LITAF: variants seen among roughly 807,000 people sequenced by gnomAD.
LITAF encodes the protein lipopolysaccharide-induced tumor necrosis factor-alpha factor.
LITAF carries 9 observed loss-of-function variants against 14.5 expected under a neutral mutation model. That is an observed-to-expected ratio of 0.62 (90% CI 0.37 to 1.08). The LOEUF is 1.08. Among genes scored for constraint, LITAF ranks in the 50% least tolerant of loss-of-function variants. The pLI, the probability that LITAF is intolerant of heterozygous loss-of-function variation, is 0.01. For missense variants in LITAF, 206 were observed against 213.4 expected (o/e 0.97, Z 0.22); for synonymous variants, 98 against 88.2 (o/e 1.11, Z -0.62).
upstream of LITAF, among the ~76,000 whole-genome samples, chr16:11,591,041 A>G (rs570972577): frequency 2.1e-4 from 25 of 118,332 alleles, 8 homozygotes; most frequent in South Asian, 6.4e-3. Flanking sequence ...CCCAGGTCCA[A>G]TGTAATCTCT....
chr16:11,588,429 G>A (rs577271790), upstream of LITAF, among the ~76,000 whole-genome samples: 12 of 151,920 alleles, frequency 7.9e-5, no homozygotes, highest in East Asian at 3.9e-4. Flanking sequence ...CTTGACCTCC[G>A]GAGGTTGAGG....
upstream of LITAF, among the ~76,000 whole-genome samples, chr16:11,638,618 T>A (rs926593987): frequency 3.4e-5 from 5 of 147,404 alleles, no homozygotes; most frequent in African/African-American, 1.3e-4. Flanking sequence ...GGAGAATCAT[T>A]TGAACCCAGG....
chr16:11,549,752 G>GGA lies in LITAF; in HGVS notation c.378-9_378-8dup, dbSNP rs769574395. 22 of 1,609,270 alleles carry GGA rather than the reference G, an allele frequency of 1.4e-5. No homozygotes were observed. The highest frequency in any genetic ancestry group is 1.1e-5 in the Non-Finnish European group (13 of 1,176,900). ...GCAGCAGCCCGCTATGCACCTGGGA[G>GGA]GAGAGAGAGACACACGGAGCGCGTT... On this transcript the variant is annotated splice_polypyrimidine_tract_variant and splice_region_variant and intron_variant, in intron 3 of 3. Transcript: ENST00000622633. The surrounding 1 kb of genome is among the most constrained non-coding windows in gnomAD (Gnocchi z 4.6).
At chr16:11,577,939 A>C (rs1166054960) in intron 1 of LITAF, among the ~76,000 whole-genome samples, 1 of 151,594 alleles carries the variant, frequency 6.6e-6, no homozygotes, top group African/African-American at 2.4e-5. Context: ...CACTATTTCC[A>C]GGCTGGCATG....
chr16:11,598,277 G>A (rs2064904265), intron 1 of LITAF: 1 of 131,142 alleles, frequency 7.6e-6, no homozygotes, highest in Non-Finnish European at 1.6e-5. Flanking sequence ...TGTCTCTCCA[G>A]GGCCTGAGCC....
At chr16:11,607,527 A>G (rs2064960839) in intron 3 of LITAF, among the ~76,000 whole-genome samples, 1 of 152,052 alleles carries the variant, frequency 6.6e-6, no homozygotes, top group African/African-American at 2.4e-5. Flanking sequence ...AGTGTGCTTT[A>G]ATATGGGTAT....
chr16:11,576,534 C>CAAAAAA (rs66551972), intron 1 of LITAF, among the ~76,000 whole-genome samples: 38 of 62,938 alleles, frequency 6.0e-4, no homozygotes, highest in Non-Finnish European at 1.1e-3. Flanking sequence ...TTACAATCTG[C>CAAAAAA]AAAAAAAAAA....
chr16:11,590,795 C>T (rs1347777307), upstream of LITAF, among the ~76,000 whole-genome samples: 3 of 117,252 alleles, frequency 2.6e-5, 1 homozygote, highest in Non-Finnish European at 5.1e-5. Context: ...TGCAGTGGTA[C>T]GATCTCGGCT....
At chr16:11,561,730 C>T (rs556818879) in intron 1 of LITAF, among the ~76,000 whole-genome samples, 2 of 152,078 alleles carry the variant, frequency 1.3e-5, no homozygotes, top group African/African-American at 2.4e-5. Flanking sequence ...CCTTGTTTTG[C>T]GCCTTCATTT....
At chr16:11,559,597 A>G (rs59713113) in intron 1 of LITAF, among the ~76,000 whole-genome samples, 11,533 of 152,114 alleles carry the variant, frequency 0.076, 461 homozygotes, top group Middle Eastern at 0.12. Context: ...AAAATATCTC[A>G]TTAATAATTT....
upstream of LITAF, among the ~76,000 whole-genome samples, chr16:11,639,419 A>G (rs1197256644): frequency 3.5e-5 from 4 of 115,324 alleles, no homozygotes; most frequent in African/African-American, 1.0e-4. Context: ...GATGGTTAGA[A>G]GGAGGGAGGG....
intron 1 of LITAF, among the ~76,000 whole-genome samples, chr16:11,560,969 C>A (rs2064353562): frequency 6.6e-6 from 1 of 152,146 alleles, no homozygotes; most frequent in African/African-American, 2.4e-5. Flanking sequence ...CCCAGATGAC[C>A]CCGGGAACCC....
intron 3 of LITAF, among the ~76,000 whole-genome samples, chr16:11,610,965 C>T (rs147131825): frequency 8.6e-5 from 13 of 151,992 alleles, no homozygotes; most frequent in African/African-American, 3.1e-4. Context: ...CCCCAGCTAC[C>T]GAAATCTAAG....
chr16:11,576,450 C>G, intron 1 of LITAF, among the ~76,000 whole-genome samples: 1 of 144,848 alleles, frequency 6.9e-6, no homozygotes, highest in Non-Finnish European at 1.5e-5. Flanking sequence ...GCCTAGGCAA[C>G]AGAGCAAGAC....
At chr16:11,612,524 G>A (rs1187502638) in intron 3 of LITAF, among the ~76,000 whole-genome samples, 2 of 152,232 alleles carry the variant, frequency 1.3e-5, no homozygotes, top group African/African-American at 4.8e-5. Context: ...CCTGCGGTTA[G>A]AGCAAACTGC....
chr16:11,560,290 C>G (rs1297217999), intron 1 of LITAF, among the ~76,000 whole-genome samples: 7 of 151,840 alleles, frequency 4.6e-5, no homozygotes, highest in Non-Finnish European at 1.0e-4. Flanking sequence ...GAGTGAGACT[C>G]TGTCTCAAAA....
intron 3 of LITAF, among the ~76,000 whole-genome samples, chr16:11,606,244 C>T (rs34835672): frequency 0.37 from 55,618 of 151,750 alleles, 12,179 homozygotes; most frequent in Middle Eastern, 0.5. Context: ...TCTCGGCTCA[C>T]TTCAACCTCC....
upstream of LITAF, among the ~76,000 whole-genome samples, chr16:11,589,917 C>A (rs2064837840): frequency 7.8e-6 from 1 of 128,900 alleles, no homozygotes; most frequent in Non-Finnish European, 1.6e-5. Flanking sequence ...AGGCACCACA[C>A]CCAGCCAGTT....
intron 3 of LITAF, among the ~76,000 whole-genome samples, chr16:11,624,724 C>T (rs1001260975): frequency 6.6e-6 from 1 of 152,154 alleles, no homozygotes; most frequent in Non-Finnish European, 1.5e-5. Context: ...GAAGTGTGAT[C>T]GACTGAAAAT....
Sources: allele counts gnomAD v4.1 joint callset (sites outside exome capture counted in the v4.1 genomes callset), GRCh38; gene constraint gnomAD v4.1.1; non-coding constraint Gnocchi (gnomAD v3.1); transcripts MANE v1.5; gene names NCBI Gene and HGNC (gene_info 2026-07-23, HGNC 2026-07-21).